Variants in NOS1AP observed in about 807,000 individuals in gnomAD.
NOS1AP encodes nitric oxide synthase 1 adaptor protein.
A neutral mutation model predicts 56.2 loss-of-function variants in NOS1AP; 21 were observed. That is an observed-to-expected ratio of 0.37 (90% CI 0.26 to 0.54). The LOEUF (loss-of-function observed/expected upper bound fraction) is 0.54, where lower values mean the gene tolerates loss of function less well. NOS1AP is among the 20% of genes least tolerant of loss of function. NOS1AP has a pLI of 0.84. For missense variants in NOS1AP, 522 were observed against 657.8 expected (o/e 0.79, Z 2.26); for synonymous variants, 270 against 274.6 (o/e 0.98, Z 0.17).
chr1:162,308,344 G>A (rs963106622), intron 4 of NOS1AP, among the ~76,000 whole-genome samples: 1 of 152,204 alleles, frequency 6.6e-6, no homozygotes, highest in Non-Finnish European at 1.5e-5. Context: ...ATGGCTGTGG[G>A]TAAGAGACAT....
intron 2 of NOS1AP, among the ~76,000 whole-genome samples, chr1:162,252,245 C>A (rs781432902): frequency 2.2e-4 from 34 of 152,108 alleles, no homozygotes; most frequent in Middle Eastern, 3.4e-3. Flanking sequence ...GGAGGTTTCA[C>A]CATATTTCCT....
At chr1:162,364,592 TAAG>T (rs1294997145) in intron 8 of NOS1AP, 2 of 985,450 alleles carry the variant, frequency 2.0e-6, no homozygotes, top group Admixed American at 6.1e-5. Flanking sequence ...TGCTCTGCCT[TAAG>T]AAGGTTGGAA....
chr1:162,165,098 G>A (rs1650424963), intron 2 of NOS1AP, among the ~76,000 whole-genome samples: 1 of 152,172 alleles, frequency 6.6e-6, no homozygotes, highest in African/African-American at 2.4e-5. Context: ...AAGGCGAACA[G>A]ATCACCTGAG....
intron 2 of NOS1AP, among the ~76,000 whole-genome samples, chr1:162,278,595 C>T (rs1013735699): frequency 1.3e-5 from 2 of 151,814 alleles, no homozygotes; most frequent in Non-Finnish European, 2.9e-5. Flanking sequence ...CACTTTTGGT[C>T]TGAGGCAGAA....
Position 162,283,941 on chromosome 1 carries a change from G to A in NOS1AP, c.178-3403G>A, listed in dbSNP as rs555446768. Among the ~76,000 whole-genome samples the A allele has an allele frequency of 3.9e-5, 6 of 152,318 alleles. No individual in the cohort carries two copies. In the South Asian group the frequency reaches 1.0e-3, roughly 26 times the overall value. On this transcript the variant is annotated intron_variant, in intron 2 of 9. Transcript: ENST00000361897. ...TGGGAGGCTGGTCTGAGCCACAGAC[G>A]GTGGCACCAGCAGTCTTGTTTGTTC...
intron 2 of NOS1AP, among the ~76,000 whole-genome samples, chr1:162,264,848 C>T (rs748001634): frequency 4.0e-4 from 58 of 143,964 alleles, no homozygotes; most frequent in Admixed American, 7.9e-4. Flanking sequence ...GGGTTGCACT[C>T]TGTCACCCAC....
chr1:162,150,697 A>C (rs148928852), intron 1 of NOS1AP, among the ~76,000 whole-genome samples: 60 of 152,178 alleles, frequency 3.9e-4, no homozygotes, highest in African/African-American at 1.3e-3. Flanking sequence ...TTTGATTTGC[A>C]TTTCTCTGAT....
rs347278 is a variant in NOS1AP, at chr1:162,343,807, T to C, written c.454-28T>C. ...CATGCCCCTTGCGCATCCTCACCCA[T>C]CCTGTTCTTCTCCTTTCTCCTTCCC... On this transcript the variant is annotated intron_variant, in intron 5 of 9. Transcript: ENST00000361897. The C allele has an allele frequency of 0.97, 1,571,987 of 1,613,968 alleles. 767,010 individuals are homozygous for C. Among genetic ancestry groups the C allele is most frequent in the East Asian group, 1 (44,881 of 44,884 alleles).
intron 2 of NOS1AP, among the ~76,000 whole-genome samples, chr1:162,245,503 A>G (rs929106830): frequency 6.6e-5 from 10 of 152,232 alleles, no homozygotes; most frequent in Admixed American, 6.5e-4. Context: ...CACCTACCAT[A>G]TGATCCAACC....
intron 6 of NOS1AP, among the ~76,000 whole-genome samples, chr1:162,353,979 G>A (rs576031168): frequency 1.3e-5 from 2 of 152,328 alleles, no homozygotes; most frequent in Admixed American, 6.5e-5. Flanking sequence ...TCTGTTAAAC[G>A]CCTTTGCAGC....
rs1379698419 is a variant in NOS1AP, at chr1:162,311,349, C to T, written c.344+10643C>T. On this transcript the variant is annotated intron_variant, in intron 4 of 9. Transcript: ENST00000361897. ...ATAGTTATATGTATTCTTTATCTTT[C>T]CTGAAGGGAAAGTTCTGGGTTGTAG... 2.0e-5 allele frequency among the ~76,000 whole-genome samples: 3 copies of T among 152,132 alleles called. No individual in the cohort carries two copies. In the South Asian group the frequency reaches 6.2e-4, roughly 31 times the overall value.
rs114825833 is a variant in NOS1AP at position 162,299,907 on chromosome 1, G to A, written c.271-726G>A. Among the ~76,000 whole-genome samples the A allele has an allele frequency of 3.0e-3, 464 of 152,280 alleles. 3 individuals are homozygous for A. Among genetic ancestry groups the A allele is most frequent in the African/African-American group, 0.011 (438 of 41,564 alleles). Reference sequence around the variant, plus strand: ...GGGGCTTAACAACCTCCAAAGCCCAGTATGTTTAGAGAGTGGCCACCCTGT... The same window carrying A: ...GGGGCTTAACAACCTCCAAAGCCCAATATGTTTAGAGAGTGGCCACCCTGT... On this transcript the variant is annotated intron_variant, in intron 3 of 9. Coordinates refer to ENST00000361897, the MANE Select transcript of NOS1AP (RefSeq NM_014697.3).
At chr1:162,264,441 T>C (rs76506192) in intron 2 of NOS1AP, among the ~76,000 whole-genome samples, 18 of 472 alleles carry the variant, frequency 0.038, 1 homozygote, top group Non-Finnish European at 0.052. Flanking sequence ...TTCTCTTCTC[T>C]TCTCTTCTCT....
At chr1:162,331,596 A>G (rs371910262) in intron 4 of NOS1AP, among the ~76,000 whole-genome samples, 22 of 152,332 alleles carry the variant, frequency 1.4e-4, no homozygotes, top group African/African-American at 4.8e-4. Flanking sequence ...TAGACTCTCA[A>G]TCCCATTCTC....
intron 4 of NOS1AP, among the ~76,000 whole-genome samples, chr1:162,303,575 G>A (rs1358725683): frequency 2.0e-5 from 3 of 152,094 alleles, no homozygotes; most frequent in Non-Finnish European, 4.4e-5. Context: ...CTGGGTAGCT[G>A]GGACTACAGA....
At chr1:162,360,886 G>A (rs1487121251) in intron 8 of NOS1AP, 1 of 456,702 alleles carries the variant, frequency 2.2e-6, no homozygotes, top group East Asian at 7.0e-5. Flanking sequence ...ACTTCAGCCT[G>A]GCCCTGCCCT....
In NOS1AP at chr1:162,070,036, C is replaced by G; in HGVS notation, c.-142C>G. On this transcript the variant is annotated 5_prime_UTR_variant, in exon 1 of 10. Coordinates refer to ENST00000361897, the MANE Select transcript of NOS1AP (RefSeq NM_014697.3). ...GGCACCGCTCCGGGTCCGGCCGCCG[C>G]GCGGCCAGGGCTCCCCCTGCCCAGC... The G allele has an allele frequency of 2.0e-6, 1 of 507,132 alleles. No homozygotes were observed. Among genetic ancestry groups the G allele is most frequent in the South Asian group, 3.4e-5 (1 of 29,510 alleles). 31.4% of individuals were successfully genotyped at this position (507,132 alleles called of 1,614,324 possible).
intron 2 of NOS1AP, among the ~76,000 whole-genome samples, chr1:162,262,702 A>G (rs1005220074): frequency 2.0e-5 from 3 of 152,220 alleles, no homozygotes; most frequent in Non-Finnish European, 4.4e-5. Context: ...TTAATGGTTA[A>G]TCATCACATC....
intron 2 of NOS1AP, among the ~76,000 whole-genome samples, chr1:162,204,330 A>T (rs970735247): frequency 6.6e-6 from 1 of 152,206 alleles, no homozygotes; most frequent in Non-Finnish European, 1.5e-5. Context: ...GCTTTAGGTC[A>T]TCTTACAGGT....
Sources: gnomAD v4.1 joint callset for allele counts (sites outside exome capture counted in the v4.1 genomes callset) on GRCh38, gnomAD v4.1.1 for gene constraint, MANE v1.5 for transcripts, NCBI Gene and HGNC (gene_info 2026-07-23, HGNC 2026-07-21) for gene names.